The following TMEM181 variants were observed in gnomAD, a reference collection of about 807,000 sequenced individuals.
TMEM181 encodes G protein-coupled receptor 178.
A neutral mutation model predicts 71.9 loss-of-function variants in TMEM181; 39 were observed. The ratio of observed to expected loss-of-function variants is 0.54; its 90% CI spans 0.42 to 0.71. The LOEUF (loss-of-function observed/expected upper bound fraction) is 0.71. Ranked by LOEUF, TMEM181 falls within the 30% of genes least tolerant of loss-of-function variation. The pLI, the probability that TMEM181 is intolerant of heterozygous loss-of-function variation, is 0.00. For missense variants in TMEM181, 595 were observed against 583.0 expected (o/e 1.02, Z -0.21); for synonymous variants, 245 against 228.8 (o/e 1.07, Z -0.64).
chr6:158,573,348 G>T, intron 1 of TMEM181, 72 bp from the exon 2 acceptor site: 6 of 1,170,788 alleles, frequency 5.1e-6, no homozygotes, highest in Non-Finnish European at 7.3e-6. Flanking sequence ...GAGGGGTGTT[G>T]CTGCAGGGCC....
At chr6:158,574,834 C>T (rs1183958690) in intron 2 of TMEM181, among the ~76,000 whole-genome samples, 13 of 152,132 alleles carry the variant, frequency 8.5e-5, no homozygotes, top group Admixed American at 7.2e-4. Flanking sequence ...GCTGAGAAGT[C>T]CAAAGGTCTG....
chr6:158,632,925 T>TGGGCATGCTG lies in TMEM181; in HGVS notation c.*1046_*1055dup, dbSNP rs1786740405. On this transcript the variant is annotated 3_prime_UTR_variant, in exon 17 of 17. Transcript: ENST00000684151. ...TCTATAAAACATTTAGAAAGTTGGC[T>TGGGCATGCTG]GGGCATGCTGGGGCATGCCCATAGT... is the stretch of plus-strand genomic sequence containing the variant. 1 of 152,120 alleles carries TGGGCATGCTG rather than the reference T, an allele frequency of 6.6e-6. No homozygotes were observed. Among genetic ancestry groups the TGGGCATGCTG allele is most frequent in the Admixed American group, 6.5e-5 (1 of 15,272 alleles). 9.4% of individuals were successfully genotyped at this position (152,120 alleles called of 1,614,324 possible).
At chr6:158,583,397 C>T (rs959435045) in intron 3 of TMEM181, among the ~76,000 whole-genome samples, 1 of 152,010 alleles carries the variant, frequency 6.6e-6, no homozygotes, top group Non-Finnish European at 1.5e-5. Flanking sequence ...CCAAGGGTCC[C>T]AGTGTGAAAA....
rs955009373 is a variant in TMEM181, at chr6:158,632,327, A to G, written c.*439A>G. The G allele has an allele frequency of 5.5e-6, 1 of 183,274 alleles. No homozygotes were observed. Among genetic ancestry groups the G allele is most frequent in the Non-Finnish European group, 1.2e-5 (1 of 85,386 alleles). The allele number at this position is 183,274 out of a possible 1,614,324, so 11.4% of individuals were successfully genotyped here. A position where few individuals can be genotyped will look rare whatever the true frequency, so the allele number is the denominator to read the frequency against. Reference sequence around the variant, plus strand: ...TACTGTTTTGTGACCCTTTAAACTCAAAGGGAAGCCTTATCTGTGGCTGCT... The same window carrying G: ...TACTGTTTTGTGACCCTTTAAACTCGAAGGGAAGCCTTATCTGTGGCTGCT... On this transcript the variant is annotated 3_prime_UTR_variant, in exon 17 of 17. Transcript: ENST00000684151.
At chr6:158,626,992 TCA>T (rs567010962) in intron 13 of TMEM181, among the ~76,000 whole-genome samples, 56 of 133,160 alleles carry the variant, frequency 4.2e-4, no homozygotes, top group Non-Finnish European at 7.7e-4. Context: ...TCACACACCC[TCA>T]CTCTCAGCAC....
At chr6:158,617,857 TTC>T (rs1156542569) in intron 10 of TMEM181, among the ~76,000 whole-genome samples, 1 of 152,232 alleles carries the variant, frequency 6.6e-6, no homozygotes, top group African/African-American at 2.4e-5. Context: ...TTGTTATAAT[TTC>T]TGTTCTTTTA....
At chr6:158,553,257 A>G (rs1781773027) in intron 1 of TMEM181, among the ~76,000 whole-genome samples, 1 of 152,186 alleles carries the variant, frequency 6.6e-6, no homozygotes, top group African/African-American at 2.4e-5. Context: ...TTAACATACC[A>G]TAAAACTTTA....
intron 10 of TMEM181, among the ~76,000 whole-genome samples, chr6:158,617,172 G>T (rs1412939918): frequency 6.6e-6 from 1 of 152,136 alleles, no homozygotes; most frequent in African/African-American, 2.4e-5. Context: ...CCTGTTATTG[G>T]TCTATTAAGA....
At chr6:158,608,584 A>C (rs1785101641) in intron 9 of TMEM181, 75 bp from the exon 10 acceptor site, 5 of 1,597,324 alleles carry the variant, frequency 3.1e-6, no homozygotes, top group Non-Finnish European at 4.3e-6. Flanking sequence ...GCCCATACTC[A>C]ATGGAAAAAT....
intron 3 of TMEM181, 91 bp downstream of exon 3, chr6:158,581,086 A>T: frequency 1.6e-6 from 2 of 1,273,828 alleles, no homozygotes; most frequent in Non-Finnish European, 2.2e-6. Flanking sequence ...TCTTTAAGGT[A>T]GCCTTCCCTT....
chr6:158,581,684 G>A (rs1009750755), intron 3 of TMEM181, among the ~76,000 whole-genome samples: 1 of 150,570 alleles, frequency 6.6e-6, no homozygotes, highest in Non-Finnish European at 1.5e-5. Flanking sequence ...GAACCCGGGC[G>A]GGGGAGCTTG....
Position 158,625,098 on chromosome 6 carries a change from T to C in TMEM181, c.955-6T>C. On this transcript the variant is annotated splice_region_variant and splice_polypyrimidine_tract_variant and intron_variant, in intron 11 of 16. Coordinates refer to ENST00000684151, the MANE Select transcript of TMEM181 (RefSeq NM_001376852.1). ...CCGACTCAAGTGCTGCCTTGTGTCC[T>C]CCTAGGGAATGAAGGTCTTCTTCAT... The C allele has an allele frequency of 6.2e-7, 1 of 1,612,096 alleles. No individual in the cohort carries two copies. Among genetic ancestry groups the C allele is most frequent in the Non-Finnish European group, 8.5e-7 (1 of 1,178,118 alleles).
chr6:158,557,761 C>T (rs555001713), upstream of TMEM181, among the ~76,000 whole-genome samples: 21 of 152,180 alleles, frequency 1.4e-4, no homozygotes, highest in Non-Finnish European at 1.2e-4. Context: ...AGGTGATCCC[C>T]GCCTCACCTT....
At chr6:158,545,877 A>G in intron 1 of TMEM181, among the ~76,000 whole-genome samples, 1 of 152,124 alleles carries the variant, frequency 6.6e-6, no homozygotes, top group Middle Eastern at 3.2e-3. Flanking sequence ...TGGCTAGGAA[A>G]GTGCCCTCTG....
At chr6:158,546,214 T>C (rs1781522603) in intron 1 of TMEM181, among the ~76,000 whole-genome samples, 1 of 152,216 alleles carries the variant, frequency 6.6e-6, no homozygotes, top group African/African-American at 2.4e-5. Context: ...CAGTGGAGAC[T>C]GTCCTCAGCT....
Position 158,536,787 on chromosome 6 carries a change from A to C in TMEM181, c.53A>C (p.His18Pro), listed in dbSNP as rs576524248. ...CCCCCGCTCTGCAGCGAGCTCAAGCACCTGTGCCGGCGGCTGCGGGAAGCG... is the reference window on the plus strand; with the variant it reads ...CCCCCGCTCTGCAGCGAGCTCAAGCCCCTGTGCCGGCGGCTGCGGGAAGCG... The change falls in exon 1 of 17, where the codon CAC becomes CCC. Residue 18 changes from histidine to proline, a missense_variant. Transcript: ENST00000367090. 2.3e-5 allele frequency: 36 copies of C among 1,568,362 alleles called. No homozygotes were observed. The African/African-American group carries it at 4.7e-4, about 21-fold the overall frequency.
In TMEM181 at chr6:158,632,160, T is replaced by C. The variant is rs1786702698; in HGVS notation, c.*272T>C. 4.4e-6 allele frequency: 2 copies of C among 450,974 alleles called. No individual in the cohort carries two copies. The highest frequency in any genetic ancestry group is 5.7e-5 in the South Asian group (2 of 34,870). 27.9% of individuals were successfully genotyped at this position (450,974 alleles called of 1,614,324 possible). ...AGATTTCAGATGAGCGTGTTTTCAG[T>C]GATGAGGAAATTTCACGTTTTTAGT... On this transcript the variant is annotated 3_prime_UTR_variant, in exon 17 of 17. Transcript: ENST00000684151.
At chr6:158,583,671 G>A (rs1401197958) in intron 3 of TMEM181, among the ~76,000 whole-genome samples, 1 of 152,082 alleles carries the variant, frequency 6.6e-6, no homozygotes, top group Non-Finnish European at 1.5e-5. Flanking sequence ...GTGGTGGCGG[G>A]CGCCTGTAGT....
intron 5 of TMEM181, among the ~76,000 whole-genome samples, chr6:158,585,690 A>G (rs563237784): frequency 1.1e-4 from 16 of 152,302 alleles, no homozygotes; most frequent in African/African-American, 3.9e-4. Flanking sequence ...ACACACATAT[A>G]CTGCTAGCCA....
Sources: allele counts gnomAD v4.1 joint callset (sites outside exome capture counted in the v4.1 genomes callset), GRCh38; gene constraint gnomAD v4.1.1; transcripts MANE v1.5; gene names NCBI Gene and HGNC (gene_info 2026-07-23, HGNC 2026-07-21).